The following ZNF423 variants were observed in gnomAD, a reference collection of about 807,000 sequenced individuals.
ZNF423 encodes the protein Ebf-associated zinc finger protein.
Under a neutral mutation model 95.8 loss-of-function variants are expected in ZNF423, and 12 were observed. The ratio of observed to expected loss-of-function variants is 0.13; its 90% CI spans 0.08 to 0.20. The LOEUF (loss-of-function observed/expected upper bound fraction) is 0.20. Among genes scored for constraint, ZNF423 ranks in the 10% least tolerant of loss-of-function variants. The pLI is 1.00. For missense variants in ZNF423, 1,316 were observed against 1,737.1 expected (o/e 0.76, Z 4.31); for synonymous variants, 749 against 711.9 (o/e 1.05, Z -0.83).
At chr16:49,569,217 G>A (rs1338747350) in intron 5 of ZNF423, among the ~76,000 whole-genome samples, 2 of 152,182 alleles carry the variant, frequency 1.3e-5, no homozygotes, top group Admixed American at 6.5e-5. Flanking sequence ...CCCTTCCAGG[G>A]AGGATGAGCC....
chr16:49,530,028 G>A (rs1485886144), intron 5 of ZNF423, among the ~76,000 whole-genome samples: 1 of 152,152 alleles, frequency 6.6e-6, no homozygotes, highest in East Asian at 1.9e-4. Context: ...CCAGGATGTG[G>A]CAATGAAGGA....
chr16:49,731,503 G>T, intron 2 of ZNF423: 1 of 378,628 alleles, frequency 2.6e-6, no homozygotes, highest in Non-Finnish European at 3.6e-6. Context: ...ACCATGGATG[G>T]TCGAATCTCA....
chr16:49,763,638 G>A (rs951086403), intron 2 of ZNF423, among the ~76,000 whole-genome samples: 2 of 152,032 alleles, frequency 1.3e-5, no homozygotes, highest in Non-Finnish European at 2.9e-5. Context: ...GAACAGACAC[G>A]TGCACCCCAC....
At chr16:49,848,120 A>AG (rs1471267522) in intron 1 of ZNF423, among the ~76,000 whole-genome samples, 1 of 152,170 alleles carries the variant, frequency 6.6e-6, no homozygotes, top group African/African-American at 2.4e-5. Flanking sequence ...AAGGAAAAAA[A>AG]AATGGTTAAG....
chr16:49,491,110 A>G lies in ZNF423; in HGVS notation c.*165T>C. On this transcript the variant is annotated 3_prime_UTR_variant, in exon 8 of 8. Transcript: ENST00000563137. Reference sequence around the variant, plus strand: ...GGAATACTTTTAATCTCTGCCATTAATATTCATTTCCAGCTGCTTATAATA... The same window carrying G: ...GGAATACTTTTAATCTCTGCCATTAGTATTCATTTCCAGCTGCTTATAATA... The G allele has an allele frequency of 1.3e-6, 1 of 753,470 alleles. No individual in the cohort carries two copies. The highest frequency in any genetic ancestry group is 2.3e-6 in the Non-Finnish European group (1 of 431,974). 46.7% of individuals were successfully genotyped at this position (753,470 alleles called of 1,614,324 possible).
At chr16:49,530,946 CT>C (rs1968819213) in intron 5 of ZNF423, among the ~76,000 whole-genome samples, 1 of 152,252 alleles carries the variant, frequency 6.6e-6, no homozygotes, top group Non-Finnish European at 1.5e-5. Flanking sequence ...CAAGCCACCC[CT>C]GCTCCCTGAT....
At position 49,684,810 on chromosome 16, in the gene ZNF423, G is replaced by A. The variant is rs144968906; in HGVS notation, c.302-45936C>T. On this transcript the variant is annotated intron_variant, in intron 3 of 7. Transcript: ENST00000563137. ...TCCACCCCAGCCCAGCTGCAAGAAG[G>A]AGCTGCCAAAGTTGGTGGACATAAA... 4.0e-3 allele frequency among the ~76,000 whole-genome samples: 616 copies of A among 152,272 alleles called. 13 individuals are homozygous for A. The East Asian group carries it at 0.055, about 14-fold the overall frequency.
intron 6 of ZNF423, among the ~76,000 whole-genome samples, 166 bp downstream of exon 6, chr16:49,525,197 G>A (rs920910468): frequency 3.3e-5 from 5 of 152,288 alleles, no homozygotes; most frequent in East Asian, 1.9e-4. Context: ...ACTGAGGGAC[G>A]TGGGGCAAAG....
intron 7 of ZNF423, among the ~76,000 whole-genome samples, chr16:49,514,582 C>G (rs955152068): frequency 6.6e-6 from 1 of 152,200 alleles, no homozygotes; most frequent in Non-Finnish European, 1.5e-5. Flanking sequence ...CCCTGCCTGG[C>G]AGAGCCCGGC....
intron 2 of ZNF423, among the ~76,000 whole-genome samples, chr16:49,756,230 G>A (rs1244844436): frequency 1.3e-5 from 2 of 152,116 alleles, no homozygotes; most frequent in East Asian, 1.9e-4. Context: ...AGCCCAGGCC[G>A]CCTATCACCA....
chr16:49,811,974 T>A (rs544562066), intron 1 of ZNF423, among the ~76,000 whole-genome samples: 46 of 152,188 alleles, frequency 3.0e-4, no homozygotes, highest in Non-Finnish European at 5.6e-4. Context: ...TCTGTCCCGC[T>A]CTCCTCTCCC....
intron 3 of ZNF423, among the ~76,000 whole-genome samples, chr16:49,711,034 G>A (rs940155135): frequency 1.3e-5 from 2 of 152,164 alleles, no homozygotes; most frequent in Non-Finnish European, 2.9e-5. Flanking sequence ...AGCCAAGTTG[G>A]TACTAGGGTG....
At chr16:49,801,008 G>A (rs1223814942) in intron 1 of ZNF423, among the ~76,000 whole-genome samples, 6 of 152,250 alleles carry the variant, frequency 3.9e-5, no homozygotes, top group Admixed American at 3.3e-4. Flanking sequence ...AATGTTAGTG[G>A]AAAGCCAGAA....
At chr16:49,614,552 T>G (rs1971815973) in intron 5 of ZNF423, among the ~76,000 whole-genome samples, 1 of 152,122 alleles carries the variant, frequency 6.6e-6, no homozygotes, top group African/African-American at 2.4e-5. Flanking sequence ...TTTCCAAGGA[T>G]TATGGGTAGG....
At chr16:49,513,632 G>GGAT (rs754156266) in intron 7 of ZNF423, among the ~76,000 whole-genome samples, 1 of 135,208 alleles carries the variant, frequency 7.4e-6, no homozygotes, top group Non-Finnish European at 1.6e-5. Context: ...AACACATATG[G>GGAT]GGATGGATGG....
intron 1 of ZNF423, among the ~76,000 whole-genome samples, chr16:49,836,440 G>A (rs1322945411): frequency 6.6e-6 from 1 of 152,128 alleles, no homozygotes; most frequent in Non-Finnish European, 1.5e-5. Flanking sequence ...CAGCCTCAGA[G>A]TTTACAGTCT....
At chr16:49,649,402 C>T (rs942944133) in intron 3 of ZNF423, among the ~76,000 whole-genome samples, 1 of 152,070 alleles carries the variant, frequency 6.6e-6, no homozygotes, top group African/African-American at 2.4e-5. Context: ...CTGTGCCTGC[C>T]CTGGGTACAG....
Position 49,793,876 on chromosome 16 carries a change from G to C in ZNF423, c.41-4330C>G, listed in dbSNP as rs74018941. ...TCACCACGATGCTAATGAAGCCCCA[G>C]CTCCAGAGCCCTTTGCAAACTCAAG... On this transcript the variant is annotated intron_variant, in intron 1 of 7. Coordinates refer to ENST00000563137, the MANE Select transcript of ZNF423 (RefSeq NM_001379286.1). 2.6e-3 allele frequency among the ~76,000 whole-genome samples: 401 copies of C among 152,320 alleles called. 1 individual carries two copies. The highest frequency in any genetic ancestry group is 9.1e-3 in the African/African-American group (380 of 41,564).
At chr16:49,580,813 C>G (rs533309281) in intron 5 of ZNF423, among the ~76,000 whole-genome samples, 1 of 152,178 alleles carries the variant, frequency 6.6e-6, no homozygotes, top group South Asian at 2.1e-4. Flanking sequence ...AACGAGCAGG[C>G]AGCGGAGAAC....
Sources: allele counts gnomAD v4.1 joint callset (sites outside exome capture counted in the v4.1 genomes callset), GRCh38; gene constraint gnomAD v4.1.1; transcripts MANE v1.5; gene names NCBI Gene and HGNC (gene_info 2026-07-23, HGNC 2026-07-21).